Variants in KCND2 observed in about 807,000 individuals in gnomAD.
The protein encoded by KCND2 is A-type voltage-gated potassium channel KCND2.
KCND2 carries 16 observed loss-of-function variants against 54.4 expected under a neutral mutation model. The observed-to-expected ratio is 0.29, with a 90% CI of 0.20 to 0.45. KCND2 has a LOEUF of 0.45. Ranked by LOEUF, KCND2 falls within the 20% of genes least tolerant of loss-of-function variation. The pLI, the probability that KCND2 is intolerant of heterozygous loss-of-function variation, is 1.00. For missense variants in KCND2, 486 were observed against 824.2 expected (o/e 0.59, Z 5.02); for synonymous variants, 317 against 310.7 (o/e 1.02, Z -0.21).
At position 120,465,362 on chromosome 7, in the gene KCND2, C is replaced by T. The variant is rs116411945; in HGVS notation, c.1115+189615C>T. 1.4e-3 allele frequency among the ~76,000 whole-genome samples: 216 copies of T among 150,848 alleles called. 1 individual carries two copies. Among genetic ancestry groups the T allele is most frequent in the African/African-American group, 5.0e-3 (204 of 41,076 alleles). ...CTATAGGATCATAGAGAATAAGCAC[C>T]GAGAAAAAAGGCATCTGATTCAGCC... On this transcript the variant is annotated intron_variant, in intron 1 of 5. Coordinates refer to ENST00000331113, the MANE Select transcript of KCND2 (RefSeq NM_012281.3).
intron 1 of KCND2, among the ~76,000 whole-genome samples, chr7:120,643,586 A>G (rs370843660): frequency 6.6e-6 from 1 of 152,218 alleles, no homozygotes; most frequent in South Asian, 2.1e-4. Context: ...TGGGTAAATC[A>G]TTTAGGCATA....
intron 1 of KCND2, among the ~76,000 whole-genome samples, chr7:120,344,316 G>A (rs569450730): frequency 6.6e-6 from 1 of 152,100 alleles, no homozygotes. Flanking sequence ...ACACATAAAA[G>A]AACAGATATT....
intron 1 of KCND2, among the ~76,000 whole-genome samples, chr7:120,395,307 TATAA>T (rs1454513954): frequency 3.3e-5 from 5 of 152,060 alleles, no homozygotes; most frequent in Non-Finnish European, 5.9e-5. Flanking sequence ...TATAACTCAG[TATAA>T]ATAAATGTTA....
rs1048085760 is a variant in KCND2, at chr7:120,478,812, G to A, written c.1115+203065G>A. ...CTTTTATCTCTTTCTTAGACAAGCT[G>A]GGAAAATAACCATCCTGAAGATTTT... On this transcript the variant is annotated intron_variant, in intron 1 of 5. Coordinates refer to ENST00000331113, the MANE Select transcript of KCND2 (RefSeq NM_012281.3). Among the ~76,000 whole-genome samples, 4 of 151,906 alleles carry A rather than the reference G, an allele frequency of 2.6e-5. No individual in the cohort carries two copies. In the East Asian group the frequency reaches 7.7e-4, roughly 29 times the overall value.
At chr7:120,469,162 T>G (rs544685145) in intron 1 of KCND2, among the ~76,000 whole-genome samples, 2 of 152,292 alleles carry the variant, frequency 1.3e-5, no homozygotes, top group East Asian at 3.9e-4. Context: ...ATTCTTCAAA[T>G]GTCAAGCATG....
intron 1 of KCND2, among the ~76,000 whole-genome samples, chr7:120,575,739 G>A (rs539352974): frequency 2.0e-5 from 3 of 152,146 alleles, no homozygotes; most frequent in Admixed American, 6.5e-5. Flanking sequence ...AAACGAATAC[G>A]TTCTTATTTA....
chr7:120,625,194 A>C (rs960744357), intron 1 of KCND2, among the ~76,000 whole-genome samples: 1 of 152,208 alleles, frequency 6.6e-6, no homozygotes, highest in Non-Finnish European at 1.5e-5. Context: ...AGTGTATTGC[A>C]TCACTTAGAT....
At chr7:120,740,194 G>A (rs1167397510) in intron 2 of KCND2, among the ~76,000 whole-genome samples, 4 of 151,982 alleles carry the variant, frequency 2.6e-5, no homozygotes, top group Non-Finnish European at 4.4e-5. Flanking sequence ...GGATTCTCTA[G>A]AAATATTACC....
At chr7:120,720,415 G>A (rs759145694) in intron 1 of KCND2, among the ~76,000 whole-genome samples, 5 of 152,134 alleles carry the variant, frequency 3.3e-5, no homozygotes, top group African/African-American at 7.2e-5. Context: ...AAGGTAAGCA[G>A]AGCACGGCTT....
chr7:120,740,881 A>C, intron 2 of KCND2: 1 of 455,104 alleles, frequency 2.2e-6, no homozygotes. Context: ...TAGACAAAGT[A>C]GATAAATTCA....
intron 1 of KCND2, among the ~76,000 whole-genome samples, chr7:120,536,523 A>G (rs1297116934): frequency 3.3e-5 from 5 of 152,172 alleles, no homozygotes; most frequent in Admixed American, 3.3e-4. Flanking sequence ...AATTGGAGTC[A>G]ATCTTCTCAT....
chr7:120,331,389 A>C (rs1800066799), intron 1 of KCND2, among the ~76,000 whole-genome samples: 1 of 152,016 alleles, frequency 6.6e-6, no homozygotes, highest in Admixed American at 6.6e-5. Context: ...TTGAAAAACA[A>C]ATTCTTTTTA....
At chr7:120,711,820 T>C (rs889223264) in intron 1 of KCND2, among the ~76,000 whole-genome samples, 4 of 152,154 alleles carry the variant, frequency 2.6e-5, no homozygotes, top group Admixed American at 6.6e-5. Context: ...AATGTAAGGG[T>C]TCACCAAAGT....
chr7:120,470,669 TAG>T (rs1562847677), intron 1 of KCND2, among the ~76,000 whole-genome samples: 1 of 151,998 alleles, frequency 6.6e-6, no homozygotes, highest in Non-Finnish European at 1.5e-5. Context: ...ACCAAAGATT[TAG>T]AGAGTTGGTG....
At position 120,737,082 on chromosome 7, in the gene KCND2, AAAAAAAAAAAAC is replaced by A. The variant is rs1330747798; in HGVS notation, c.1278+4022_1278+4033del. Among the ~76,000 whole-genome samples the A allele has an allele frequency of 2.8e-3, 425 of 149,934 alleles. 4 individuals carry two copies. Among genetic ancestry groups the A allele is most frequent in the African/African-American group, 1.0e-2 (410 of 41,032 alleles). On this transcript the variant is annotated intron_variant, in intron 2 of 5. Transcript: ENST00000331113. ...CACACACACACACACACACAAACAA[AAAAAAAAAAAAC>A]AAAACAAAAAACAGATTGTTGAGCC...
rs759830536 is a variant in KCND2 at position 120,436,436 on chromosome 7, A to G, written c.1115+160689A>G. Among the ~76,000 whole-genome samples the G allele has an allele frequency of 2.1e-4, 32 of 152,350 alleles. 1 individual carries two copies. The highest frequency in any genetic ancestry group is 3.7e-4 in the Non-Finnish European group (25 of 68,018). ...ATATTTGATTAATAGGAGTTGTCCT[A>G]TATGTCATTCATAAACTTGTAGCAG... On this transcript the variant is annotated intron_variant, in intron 1 of 5. Transcript: ENST00000331113.
intron 1 of KCND2, among the ~76,000 whole-genome samples, chr7:120,395,677 T>C (rs984296742): frequency 2.0e-5 from 3 of 152,058 alleles, no homozygotes; most frequent in African/African-American, 4.8e-5. Context: ...TTTTGAACTT[T>C]CTGGAAAATG....
intron 4 of KCND2, among the ~76,000 whole-genome samples, chr7:120,743,775 C>T (rs1792971069): frequency 6.6e-6 from 1 of 152,152 alleles, no homozygotes; most frequent in African/African-American, 2.4e-5. Context: ...AAAAGAGGAG[C>T]TGAAGGGAAA....
chr7:120,352,520 T>C (rs1800429904), intron 1 of KCND2, among the ~76,000 whole-genome samples: 7 of 151,582 alleles, frequency 4.6e-5, no homozygotes. Context: ...ACATTGCATA[T>C]ATTTTCATGA....
Sources: gnomAD v4.1 joint callset for allele counts (sites outside exome capture counted in the v4.1 genomes callset) on GRCh38, gnomAD v4.1.1 for gene constraint, MANE v1.5 for transcripts, NCBI Gene and HGNC (gene_info 2026-07-23, HGNC 2026-07-21) for gene names.